SIRT2: variants seen among roughly 807,000 people sequenced by gnomAD.
SIRT2 encodes NAD-dependent protein deacetylase sirtuin-2.
SIRT2 carries 40 observed loss-of-function variants against 57.4 expected under a neutral mutation model. That is an observed-to-expected ratio of 0.70 (90% CI 0.54 to 0.91). The LOEUF (loss-of-function observed/expected upper bound fraction) is 0.91, where lower values mean the gene tolerates loss of function less well. SIRT2 is among the 40% of genes least tolerant of loss of function. The probability of loss-of-function intolerance (pLI) is 0.00; values close to 1 mark genes in which losing one functional copy is unlikely to be tolerated. For synonymous variants in SIRT2, 161 were observed against 195.7 expected (o/e 0.82, Z 1.48); for missense variants, 439 against 510.4 (o/e 0.86, Z 1.35).
In SIRT2 at chr19:38,879,278, G is replaced by T; in HGVS notation, c.1047C>A (p.His349Gln). The T allele has an allele frequency of 1.9e-6, 3 of 1,613,084 alleles. No homozygotes were observed. The highest frequency in any genetic ancestry group is 2.5e-6 in the Non-Finnish European group (3 of 1,179,742). The change falls in exon 16 of 16, where the codon CAC becomes CAA. Residue 349 changes from histidine to glutamine, a missense_variant. By Grantham distance (24) the His-to-Gln change is conservative (BLOSUM62 0). Transcript: ENST00000249396. ...CCCCCGACTGGGCATCTATGCTGGC[G>T]TGCTCCCTCCGGACAAGGTCCTCCA... ...KELEDLVRREHASIDAQSGAG... is the reference protein window; with the variant it reads ...KELEDLVRREQASIDAQSGAG...
intron 8 of SIRT2, 67 bp from the exon 9 acceptor site, chr19:38,883,823 TAGGG>T: frequency 6.3e-7 from 1 of 1,575,846 alleles, no homozygotes; most frequent in South Asian, 1.1e-5. Context: ...GAAGGCACAG[TAGGG>T]AGTTGAGGGC....
At chr19:38,888,720 C>T (rs1289469661) in intron 8 of SIRT2, among the ~76,000 whole-genome samples, 1 of 152,222 alleles carries the variant, frequency 6.6e-6, no homozygotes, top group African/African-American at 2.4e-5. Flanking sequence ...TTTGGAAACT[C>T]GCTCATAACC....
At chr19:38,881,056 G>A (rs1464987725) in intron 11 of SIRT2, 44 bp downstream of exon 11, 2 of 1,597,640 alleles carry the variant, frequency 1.3e-6, no homozygotes, top group Non-Finnish European at 1.7e-6. Flanking sequence ...CAGCACAGGT[G>A]GAGGCGGCGG....
At chr19:38,891,429 A>G (rs960532140) in intron 4 of SIRT2, among the ~76,000 whole-genome samples, 5 of 152,092 alleles carry the variant, frequency 3.3e-5, no homozygotes, top group Admixed American at 1.3e-4. Context: ...CGCGCCTGTA[A>G]TCCCAGCTAC....
intron 4 of SIRT2, among the ~76,000 whole-genome samples, chr19:38,892,822 C>T (rs1973586966): frequency 6.6e-6 from 1 of 152,184 alleles, no homozygotes; most frequent in South Asian, 2.1e-4. Flanking sequence ...GAGTGATCCT[C>T]CCACGATGGC....
At chr19:38,884,460 G>GTTTT (rs199592365) in intron 8 of SIRT2, among the ~76,000 whole-genome samples, 2,502 of 150,488 alleles carry the variant, frequency 0.017, 101 homozygotes, top group East Asian at 0.15. Context: ...TTGTTTGTTT[G>GTTTT]TTTTTTGAGA....
chr19:38,894,980 C>T (rs1175821137), intron 2 of SIRT2: 1 of 454,474 alleles, frequency 2.2e-6, no homozygotes, highest in Non-Finnish European at 4.4e-6. Flanking sequence ...TGGACCCTGG[C>T]ATCTCCTCCA....
rs910940247 is a variant in SIRT2, at chr19:38,880,646, G to A, written c.876+39C>T. The A allele has an allele frequency of 6.8e-7, 1 of 1,466,534 alleles. No homozygotes were observed. Among genetic ancestry groups the A allele is most frequent in the Non-Finnish European group, 9.2e-7 (1 of 1,082,828 alleles). The allele number at this position is 1,466,534 out of a possible 1,614,324, so 90.8% of individuals were successfully genotyped here. On this transcript the variant is annotated intron_variant, in intron 13 of 15. Transcript: ENST00000249396. This position sits in a 1 kb window ranked among gnomAD's most constrained non-coding sequence, Gnocchi z 4.1. ...TGAGGAAAAGGGTGAGAGGGAAGGG[G>A]GAGCCTGTGACGACGGGGGCTTGAA...
chr19:38,887,154 G>A (rs28421495), intron 8 of SIRT2, among the ~76,000 whole-genome samples: 1,986 of 152,026 alleles, frequency 0.013, 56 homozygotes, highest in African/African-American at 0.044. Context: ...CCCCTTTCCC[G>A]AACACATACA....
chr19:38,896,635 GCATTTTA>G (rs1973725599), intron 2 of SIRT2, among the ~76,000 whole-genome samples: 1 of 152,206 alleles, frequency 6.6e-6, no homozygotes, highest in Non-Finnish European at 1.5e-5. Context: ...GGACAATGCT[GCATTTTA>G]CATCCTCGCC....
intron 8 of SIRT2, among the ~76,000 whole-genome samples, chr19:38,885,283 A>T (rs1973290538): frequency 6.6e-6 from 1 of 150,954 alleles, no homozygotes; most frequent in East Asian, 2.0e-4. Context: ...TTTTGTAGAG[A>T]TGGGGGGTGG....
intron 2 of SIRT2, chr19:38,894,185 C>T (rs1600127930): frequency 2.0e-5 from 7 of 351,646 alleles, no homozygotes; most frequent in Admixed American, 1.3e-4. Flanking sequence ...CAGCCTCAAC[C>T]TCCCAAGCTC....
chr19:38,880,127 C>T lies in SIRT2; in HGVS notation c.877-425G>A, dbSNP rs1973098455. The T allele has an allele frequency of 5.2e-6, 1 of 192,842 alleles. No individual in the cohort carries two copies. The highest frequency in any genetic ancestry group is 5.4e-5 in the Admixed American group (1 of 18,684). The allele number at this position is 192,842 out of a possible 1,614,324, so 11.9% of individuals were successfully genotyped here. On this transcript the variant is annotated intron_variant, in intron 13 of 15. Coordinates refer to ENST00000249396, the MANE Select transcript of SIRT2 (RefSeq NM_012237.4). This position sits in a 1 kb window ranked among gnomAD's most constrained non-coding sequence, Gnocchi z 4.1. ...GGCGTGAGCCATTGCGCCCAGCCAG[C>T]TCAGTGACTTTGGTCAAGTGACTTG...
In SIRT2 at chr19:38,879,469, C is replaced by T. The variant is rs1353299956; in HGVS notation, c.979G>A (p.Gly327Ser). ...DVAWLGECDQ[G>S]CLALAELLGW... is the part of the protein sequence containing the mutation. ...AGGAGCTCAGCAAGGGCCAGGCAGC[C>T]CTGGTCGCATTCACCCAGCCAGGCC... Residue 327 changes from glycine to serine, a missense_variant, in exon 15 of 16, where the codon GGC (glycine) becomes AGC (serine). Coordinates refer to ENST00000249396, the MANE Select transcript of SIRT2 (RefSeq NM_012237.4). The T allele has an allele frequency of 3.7e-6, 6 of 1,603,816 alleles. No homozygotes were observed. The Admixed American group carries it at 1.0e-4, about 27-fold the overall frequency.
intron 7 of SIRT2, chr19:38,889,419 C>T (rs903098516): frequency 5.3e-5 from 36 of 683,752 alleles, no homozygotes; most frequent in Non-Finnish European, 7.8e-5. Context: ...TGCAGGGTCC[C>T]GGGCTCTCAA....
intron 8 of SIRT2, among the ~76,000 whole-genome samples, chr19:38,887,087 G>A (rs1973366138): frequency 6.6e-6 from 1 of 151,928 alleles, no homozygotes; most frequent in Admixed American, 6.6e-5. Context: ...ACAGGCATGT[G>A]CCACCACGCC....
At chr19:38,881,377 G>T (rs1388565678) in intron 10 of SIRT2, 55 bp downstream of exon 10, 9 of 1,529,278 alleles carry the variant, frequency 5.9e-6, no homozygotes, top group Non-Finnish European at 8.2e-6. Context: ...GGGTCAGGGG[G>T]AGGAGGGGAC....
intron 9 of SIRT2, among the ~76,000 whole-genome samples, chr19:38,882,284 G>A (rs1045585796): frequency 1.2e-4 from 18 of 152,014 alleles, no homozygotes; most frequent in Non-Finnish European, 1.9e-4. Context: ...AAAAGTGTTG[G>A]GATTACAGGC....
In SIRT2 at chr19:38,880,716, C is replaced by T. The variant is rs752774292; in HGVS notation, c.845G>A (p.Arg282His). 20 of 1,595,416 alleles carry T rather than the reference C, an allele frequency of 1.3e-5. No individual in the cohort carries two copies. Among genetic ancestry groups the T allele is most frequent in the East Asian group, 4.5e-5 (2 of 44,526 alleles). The change falls in exon 13 of 16, where the codon CGC (arginine) becomes CAC (histidine). Residue 282 changes from arginine (R) to histidine (H), a missense_variant. By Grantham distance (29) the Arg-to-His change is conservative (BLOSUM62 0). Transcript: ENST00000249396. This position sits in a 1 kb window ranked among gnomAD's most constrained non-coding sequence, Gnocchi z 4.1. ...AGCTTTCTCCTTGTTGATGAGCAGG[C>T]GAGGGGTGGAGAGGGGTGCCCTGTG... The part of the protein sequence containing the change: ...LISKAPLSTP[R>H]LLINKEKAGQ...
Sources: gnomAD v4.1 joint callset for allele counts (sites outside exome capture counted in the v4.1 genomes callset) on GRCh38, gnomAD v4.1.1 for gene constraint, Gnocchi (gnomAD v3.1) non-coding constraint, MANE v1.5 for transcripts, NCBI Gene and HGNC (gene_info 2026-07-23, HGNC 2026-07-21) for gene names.